Variants in GOLGA7 observed in about 807,000 individuals in gnomAD.
GOLGA7 encodes the protein golgin A7, also known as golgin subfamily A member 7.
GOLGA7 carries 10 observed loss-of-function variants against 21.1 expected under a neutral mutation model. That is an observed-to-expected ratio of 0.47 (90% CI 0.29 to 0.80). GOLGA7 has a LOEUF of 0.80. Ranked by LOEUF, GOLGA7 falls within the 30% of genes least tolerant of loss-of-function variation. GOLGA7 has a pLI of 0.08. For synonymous variants in GOLGA7, 64 were observed against 62.6 expected (o/e 1.02, Z -0.10); for missense variants, 114 against 166.8 (o/e 0.68, Z 1.74).
At chr8:41,504,135 AACAAAAC>A (rs1402555580) in intron 2 of GOLGA7, among the ~76,000 whole-genome samples, 44 of 111,850 alleles carry the variant, frequency 3.9e-4, no homozygotes, top group African/African-American at 1.3e-3. Context: ...AAAAAAAAAA[AACAAAAC>A]AAAACAAAAA....
intron 2 of GOLGA7, among the ~76,000 whole-genome samples, chr8:41,499,352 C>T (rs1806095235): frequency 6.6e-6 from 1 of 152,180 alleles, no homozygotes; most frequent in Non-Finnish European, 1.5e-5. Flanking sequence ...TCAATTAGAC[C>T]CCTGCCTTAT....
chr8:41,506,148 A>C, intron 3 of GOLGA7, 136 bp downstream of exon 3: 1 of 540,458 alleles, frequency 1.9e-6, no homozygotes, highest in Non-Finnish European at 3.3e-6. Flanking sequence ...TTGCATACCT[A>C]CTGTAAACCC....
At chr8:41,493,878 G>A (rs376987554) in intron 1 of GOLGA7, among the ~76,000 whole-genome samples, 2 of 152,182 alleles carry the variant, frequency 1.3e-5, no homozygotes, top group African/African-American at 4.8e-5. Flanking sequence ...GAACCTAAGG[G>A]AGAACACTGG....
At chr8:41,501,809 T>G (rs904827333) in intron 2 of GOLGA7, among the ~76,000 whole-genome samples, 1 of 152,240 alleles carries the variant, frequency 6.6e-6, no homozygotes, top group African/African-American at 2.4e-5. Flanking sequence ...GCTAGTTTAT[T>G]TGGGTGCTGA....
intron 2 of GOLGA7, among the ~76,000 whole-genome samples, chr8:41,498,468 C>CCTTCACTTTCTCCTTCAGCG (rs1315775307): frequency 1.3e-5 from 2 of 152,200 alleles, no homozygotes; most frequent in Non-Finnish European, 2.9e-5. Context: ...ACCTCCCATT[C>CCTTCACTTTCTCCTTCAGCG]CTTCCTTCAC....
intron 2 of GOLGA7, among the ~76,000 whole-genome samples, chr8:41,503,312 G>A (rs1806196134): frequency 6.9e-6 from 1 of 144,050 alleles, no homozygotes; most frequent in Non-Finnish European, 1.5e-5. Context: ...CTGGATATTA[G>A]CCCTTTGTCA....
intron 1 of GOLGA7, among the ~76,000 whole-genome samples, 154 bp from the exon 2 acceptor site, chr8:41,497,346 AAAATTAAAC>A (rs1806043925): frequency 6.6e-6 from 1 of 152,126 alleles, no homozygotes; most frequent in African/African-American, 2.4e-5. Context: ...TAAGAGGGAT[AAAATTAAAC>A]AAATTAAGCA....
In GOLGA7 at chr8:41,504,044, G is replaced by A. The variant is rs568397972; in HGVS notation, c.265-1867G>A. 4.1e-3 allele frequency among the ~76,000 whole-genome samples: 587 copies of A among 144,328 alleles called. 7 individuals are homozygous for A. Among genetic ancestry groups the A allele is most frequent in the South Asian group, 0.028 (129 of 4,540 alleles). The allele number at this position is 144,328 out of a possible 152,430, so 94.7% of individuals were successfully genotyped here. The stretch of plus-strand genomic sequence containing the variant: ...TAGATGACACATTAGTGGGTGCAGC[G>A]CACCAGCATGGCACATGTATACATA... On this transcript the variant is annotated intron_variant, in intron 2 of 4. Transcript: ENST00000357743.
At position 41,490,751 on chromosome 8, in the gene GOLGA7, T is replaced by C. The variant is rs1175828073; in HGVS notation, c.-104T>C. 1 of 646,456 alleles carries C rather than the reference T, an allele frequency of 1.5e-6. No individual in the cohort carries two copies. Among genetic ancestry groups the C allele is most frequent in the East Asian group, 2.8e-5 (1 of 36,024 alleles). 40.0% of individuals were successfully genotyped at this position (646,456 alleles called of 1,614,324 possible). On this transcript the variant is annotated 5_prime_UTR_variant, in exon 1 of 5. Coordinates refer to ENST00000357743, the MANE Select transcript of GOLGA7 (RefSeq NM_001002296.2). ...GCCTTGGGCTGTTTTCGGCGGCGGG[T>C]GGGGGCGAGGGGCTGGCGGGTCAGA...
rs1805855721 is a variant in GOLGA7 at position 41,490,646 on chromosome 8, G to GT, written c.-208dup. The GT allele has an allele frequency of 3.7e-6, 2 of 547,612 alleles. No individual in the cohort carries two copies. Among genetic ancestry groups the GT allele is most frequent in the South Asian group, 2.3e-5 (1 of 42,960 alleles). 33.9% of individuals were successfully genotyped at this position (547,612 alleles called of 1,614,324 possible). ...TGTGTTTCCCGGGCCGAACCGGGTT[G>GT]TGGGGGGCGCGGGGCCTGGGCCAGG... On this transcript the variant is annotated 5_prime_UTR_variant, in exon 1 of 5. Transcript: ENST00000357743.
At chr8:41,494,523 C>T (rs1256064962) in intron 1 of GOLGA7, among the ~76,000 whole-genome samples, 2 of 152,160 alleles carry the variant, frequency 1.3e-5, no homozygotes, top group Admixed American at 6.5e-5. Context: ...AAGGCATTAA[C>T]GTAGGCATAA....
chr8:41,490,834 G>T lies in GOLGA7; in HGVS notation c.-21G>T. 1.4e-6 allele frequency: 2 copies of T among 1,458,732 alleles called. No individual in the cohort carries two copies. Among genetic ancestry groups the T allele is most frequent in the Non-Finnish European group, 1.9e-6 (2 of 1,059,174 alleles). 90.4% of individuals were successfully genotyped at this position (1,458,732 alleles called of 1,614,324 possible). A position where few individuals can be genotyped will look rare whatever the true frequency, so the allele number is the denominator to read the frequency against. On this transcript the variant is annotated 5_prime_UTR_variant, in exon 1 of 5. Transcript: ENST00000357743. Reference sequence around the variant, plus strand: ...GTTGGTGTTCCCCCGACCCCGCAGCGCGGGGTGTCCTGTCCTCGCCATGAG... The same window carrying T: ...GTTGGTGTTCCCCCGACCCCGCAGCTCGGGGTGTCCTGTCCTCGCCATGAG...
chr8:41,509,763 G>C lies in GOLGA7; in HGVS notation c.*195G>C, dbSNP rs1173300387. On this transcript the variant is annotated 3_prime_UTR_variant, in exon 5 of 5. Transcript: ENST00000357743. The stretch of plus-strand genomic sequence containing the variant: ...CCTCTAGTCGCTCAGCATCCACTTT[G>C]TGTCTCCAAATTGTGTAGGACTCTG... The C allele has an allele frequency of 6.6e-6, 1 of 152,610 alleles. No homozygotes were observed. The highest frequency in any genetic ancestry group is 1.5e-5 in the Non-Finnish European group (1 of 68,046). The allele number at this position is 152,610 out of a possible 1,614,324, so 9.5% of individuals were successfully genotyped here.
At chr8:41,490,990 T>A (rs1805868488) in intron 1 of GOLGA7, 25 bp downstream of exon 1, 1 of 1,295,472 alleles carries the variant, frequency 7.7e-7, no homozygotes, top group Non-Finnish European at 1.1e-6. Flanking sequence ...TCCCCACGCC[T>A]GCTCTGGCGA....
chr8:41,493,821 C>T (rs986272705), intron 1 of GOLGA7, among the ~76,000 whole-genome samples: 2 of 152,132 alleles, frequency 1.3e-5, no homozygotes, highest in Non-Finnish European at 2.9e-5. Context: ...TTGGCTGTGA[C>T]TTCTCATATA....
intron 2 of GOLGA7, among the ~76,000 whole-genome samples, chr8:41,504,498 T>G (rs1806234337): frequency 6.6e-6 from 1 of 152,186 alleles, no homozygotes; most frequent in African/African-American, 2.4e-5. Flanking sequence ...GGGGTTTTTT[T>G]GCTCATAAAG....
intron 2 of GOLGA7, chr8:41,502,613 C>T (rs1164228148): frequency 6.6e-6 from 1 of 152,124 alleles, no homozygotes; most frequent in African/African-American, 2.4e-5. Flanking sequence ...ATCCCTTCTG[C>T]CTATGTGCTG....
Position 41,505,950 on chromosome 8 carries a change from G to A in GOLGA7, c.304G>A (p.Glu102Lys), listed in dbSNP as rs752649569. The change falls in exon 3 of 5, where the codon GAG becomes AAG. Residue 102 changes from glutamate (E) to lysine (K), a missense_variant. Glu to Lys is a moderately conservative substitution (Grantham distance 56). Coordinates refer to ENST00000357743, the MANE Select transcript of GOLGA7 (RefSeq NM_001002296.2). ...KVSKYIQEQN[E>K]KIYAPQGLLL... ...CTCCAAATACATTCAAGAGCAGAAT[G>A]AGAAGATCTATGCTCCACAAGGCCT... 1.9e-6 allele frequency: 3 copies of A among 1,602,800 alleles called. No individual in the cohort carries two copies. Among genetic ancestry groups the A allele is most frequent in the Admixed American group, 1.7e-5 (1 of 59,300 alleles).
rs545118451 is a variant in GOLGA7, at chr8:41,490,649, G to A, written c.-206G>A. On this transcript the variant is annotated 5_prime_UTR_variant, in exon 1 of 5. Coordinates refer to ENST00000357743, the MANE Select transcript of GOLGA7 (RefSeq NM_001002296.2). Reference sequence around the variant, plus strand: ...GTTTCCCGGGCCGAACCGGGTTGTGGGGGGCGCGGGGCCTGGGCCAGGCGG... The same window carrying A: ...GTTTCCCGGGCCGAACCGGGTTGTGAGGGGCGCGGGGCCTGGGCCAGGCGG... 6 of 545,868 alleles carry A rather than the reference G, an allele frequency of 1.1e-5. No homozygotes were observed. The highest frequency in any genetic ancestry group is 1.9e-5 in the Non-Finnish European group (6 of 309,238). 33.8% of individuals were successfully genotyped at this position (545,868 alleles called of 1,614,324 possible).
Sources: allele counts gnomAD v4.1 joint callset (sites outside exome capture counted in the v4.1 genomes callset), GRCh38; gene constraint gnomAD v4.1.1; transcripts MANE v1.5; gene names NCBI Gene and HGNC (gene_info 2026-07-23, HGNC 2026-07-21).